The following CCDC146 variants were observed in gnomAD, a reference collection of about 807,000 sequenced individuals.
The protein encoded by CCDC146 is coiled-coil domain containing 146.
CCDC146 carries 92 observed loss-of-function variants against 119.3 expected under a neutral mutation model. The ratio of observed to expected loss-of-function variants is 0.77; its 90% CI spans 0.65 to 0.92. The LOEUF (loss-of-function observed/expected upper bound fraction) is 0.92. Ranked by LOEUF, CCDC146 falls within the 40% of genes least tolerant of loss-of-function variation. The pLI, the probability that CCDC146 is intolerant of heterozygous loss-of-function variation, is 0.00. For synonymous variants in CCDC146, 372 were observed against 371.8 expected (o/e 1.00, Z -0.01); for missense variants, 1,000 against 1,103.0 (o/e 0.91, Z 1.32).
intron 4 of CCDC146, chr7:77,242,525 T>G (rs905778194): frequency 1.3e-5 from 4 of 303,084 alleles, no homozygotes; most frequent in African/African-American, 9.1e-5. Context: ...GGGGAAATGT[T>G]ATCTTCAAAA....
chr7:77,289,823 G>A (rs1400827163), intron 17 of CCDC146, among the ~76,000 whole-genome samples: 1 of 152,252 alleles, frequency 6.6e-6, no homozygotes, highest in African/African-American at 2.4e-5. Context: ...TGGAAGAGAA[G>A]GGAAGTTGGC....
intron 1 of CCDC146, among the ~76,000 whole-genome samples, chr7:77,148,986 T>G (rs1791067419): frequency 6.6e-6 from 1 of 151,814 alleles, no homozygotes; most frequent in Non-Finnish European, 1.5e-5. Flanking sequence ...CTACTTTAAT[T>G]TATATGGAAC....
intron 4 of CCDC146, among the ~76,000 whole-genome samples, chr7:77,245,062 A>G (rs1187165147): frequency 6.6e-6 from 1 of 152,192 alleles, no homozygotes; most frequent in African/African-American, 2.4e-5. Context: ...TTACTGTGTA[A>G]TTTTGTCAAT....
At chr7:77,184,015 G>A (rs1791627796) in intron 2 of CCDC146, among the ~76,000 whole-genome samples, 1 of 152,124 alleles carries the variant, frequency 6.6e-6, no homozygotes, top group Non-Finnish European at 1.5e-5. Context: ...GCCAACCTAA[G>A]TTCTCAGTGA....
chr7:77,260,078 T>C lies in CCDC146; in HGVS notation c.828T>C (p.Val276=), dbSNP rs745926335. Residue 276 remains valine, a synonymous_variant, in exon 8 of 19, where the codon GTT becomes GTC. Coordinates refer to ENST00000285871, the MANE Select transcript of CCDC146 (RefSeq NM_020879.3). ...VKTLNDSLKK[V]ENKVSAIVDE... is the part of the protein sequence containing the mutation. ...CGCTAAATGACTCCCTAAAGAAAGT[T>C]GAAAACAAGGTTAGTGCTATAGTGG... is the stretch of plus-strand genomic sequence containing the variant. 17 of 1,613,086 alleles carry C rather than the reference T, an allele frequency of 1.1e-5. No individual in the cohort carries two copies. The highest frequency in any genetic ancestry group is 1.4e-5 in the Non-Finnish European group (17 of 1,179,844).
At chr7:77,216,972 G>T (rs969541998) in intron 2 of CCDC146, among the ~76,000 whole-genome samples, 2 of 150,924 alleles carry the variant, frequency 1.3e-5, no homozygotes, top group Non-Finnish European at 1.5e-5. Flanking sequence ...ACTTTTTTTT[G>T]TTCTACAGTG....
At chr7:77,282,463 T>C in intron 14 of CCDC146, 94 bp from the exon 15 acceptor site, 1 of 741,818 alleles carries the variant, frequency 1.3e-6, no homozygotes, top group Non-Finnish European at 2.2e-6. Context: ...CTATGTTGTG[T>C]ATATCTTGCA....
At chr7:77,200,566 C>A (rs1479005376) in intron 2 of CCDC146, among the ~76,000 whole-genome samples, 1 of 152,220 alleles carries the variant, frequency 6.6e-6, no homozygotes, top group Non-Finnish European at 1.5e-5. Context: ...TCCACAGCTG[C>A]TCAAATGTGA....
At chr7:77,207,691 T>G (rs189163500) in intron 2 of CCDC146, among the ~76,000 whole-genome samples, 2 of 152,210 alleles carry the variant, frequency 1.3e-5, no homozygotes, top group African/African-American at 4.8e-5. Context: ...TTCCAGTAAC[T>G]TTCTTGCCAC....
At chr7:77,184,773 A>G (rs1791638703) in intron 2 of CCDC146, among the ~76,000 whole-genome samples, 1 of 152,210 alleles carries the variant, frequency 6.6e-6, no homozygotes, top group Non-Finnish European at 1.5e-5. Context: ...ATAATTTTTA[A>G]CCACTAGGTT....
chr7:77,275,790 C>T (rs1430713700), intron 11 of CCDC146, among the ~76,000 whole-genome samples: 1 of 152,166 alleles, frequency 6.6e-6, no homozygotes. Flanking sequence ...TAAGGCAGCA[C>T]TCCTGTCATG....
At chr7:77,294,532 C>A in intron 18 of CCDC146, 131 bp from the exon 19 acceptor site, 1 of 659,730 alleles carries the variant, frequency 1.5e-6, no homozygotes, top group Non-Finnish European at 2.6e-6. Flanking sequence ...CCTACCCCTC[C>A]CATCCCTTTG....
At chr7:77,205,801 A>C (rs1792070991) in intron 2 of CCDC146, among the ~76,000 whole-genome samples, 1 of 152,180 alleles carries the variant, frequency 6.6e-6, no homozygotes, top group Admixed American at 6.5e-5. Context: ...TCTAGGTAGC[A>C]CTTCAACACT....
intron 2 of CCDC146, among the ~76,000 whole-genome samples, chr7:77,213,876 G>T (rs1792250185): frequency 6.6e-6 from 1 of 152,178 alleles, no homozygotes; most frequent in Non-Finnish European, 1.5e-5. Context: ...CTAATGGATG[G>T]ACACTTAGGT....
At chr7:77,272,216 C>T (rs1192694829) in intron 9 of CCDC146, among the ~76,000 whole-genome samples, 2 of 152,188 alleles carry the variant, frequency 1.3e-5, no homozygotes, top group Non-Finnish European at 2.9e-5. Flanking sequence ...GTTTGTTAAG[C>T]CCACAACATT....
intron 2 of CCDC146, among the ~76,000 whole-genome samples, chr7:77,206,827 A>G (rs1294330279): frequency 6.6e-6 from 1 of 151,864 alleles, no homozygotes; most frequent in African/African-American, 2.4e-5. Flanking sequence ...TGTATAGCTT[A>G]GAAATTTGTT....
intron 17 of CCDC146, among the ~76,000 whole-genome samples, chr7:77,289,497 T>G (rs532691365): frequency 6.6e-6 from 1 of 152,214 alleles, no homozygotes; most frequent in Non-Finnish European, 1.5e-5. Flanking sequence ...TAGAAAGACA[T>G]TCAGATTCCA....
At chr7:77,184,024 G>A (rs1039374651) in intron 2 of CCDC146, among the ~76,000 whole-genome samples, 5 of 152,148 alleles carry the variant, frequency 3.3e-5, no homozygotes, top group African/African-American at 1.2e-4. Flanking sequence ...AGTTCTCAGT[G>A]ATTTGAAGTT....
At chr7:77,227,415 C>T (rs1792535525) in intron 2 of CCDC146, among the ~76,000 whole-genome samples, 1 of 152,208 alleles carries the variant, frequency 6.6e-6, no homozygotes, top group Non-Finnish European at 1.5e-5. Flanking sequence ...ATGCCATTCT[C>T]CTGCCTCAGC....
Sources: gnomAD v4.1 joint callset for allele counts (sites outside exome capture counted in the v4.1 genomes callset) on GRCh38, gnomAD v4.1.1 for gene constraint, MANE v1.5 for transcripts, NCBI Gene and HGNC (gene_info 2026-07-23, HGNC 2026-07-21) for gene names.